FRMPD4: variants seen among roughly 807,000 people sequenced by gnomAD.
FRMPD4 encodes the protein FERM and PDZ domain-containing protein 4.
A neutral mutation model predicts 94.1 loss-of-function variants in FRMPD4; 22 were observed. That is an observed-to-expected ratio of 0.23 (90% CI 0.17 to 0.33). FRMPD4 has a LOEUF of 0.33. FRMPD4 is among the 10% of genes least tolerant of loss of function. The pLI is 1.00. For missense variants in FRMPD4, 1,111 were observed against 1,339.9 expected, an observed-to-expected ratio of 0.83 and a Z score of 2.67; for synonymous variants, 631 against 548.6, an observed-to-expected ratio of 1.15 and a Z score of -2.10.
intron 8 of FRMPD4, among the ~76,000 whole-genome samples, chrX:12,694,128 A>G (rs765917387): frequency 9.0e-6 from 1 of 111,280 alleles, no homozygotes; most frequent in East Asian, 2.8e-4. Context: ...CTTGCACACA[A>G]CCCCTCATCT....
At chrX:12,309,516 A>G (rs1307912454) in intron 1 of FRMPD4, among the ~76,000 whole-genome samples, 1 of 112,022 alleles carries the variant, frequency 8.9e-6, no homozygotes, top group East Asian at 2.8e-4. Context: ...AGCTGATTTG[A>G]TCATTTGGTC....
intron 3 of FRMPD4, among the ~76,000 whole-genome samples, chrX:12,049,754 G>T (rs2054806741): frequency 9.0e-6 from 1 of 111,639 alleles, no homozygotes; most frequent in East Asian, 2.8e-4. Context: ...CATGTATGTT[G>T]TTTCCCCTGA....
intron 3 of FRMPD4, among the ~76,000 whole-genome samples, chrX:11,990,217 C>T (rs754576740): frequency 9.8e-5 from 11 of 111,983 alleles, no homozygotes; most frequent in Middle Eastern, 9.2e-3. Flanking sequence ...CAAATGGTTA[C>T]GTTGTATGAT....
intron 1 of FRMPD4, among the ~76,000 whole-genome samples, chrX:12,408,790 G>GCAAGGA (rs1365007542): frequency 2.7e-5 from 3 of 112,054 alleles, no homozygotes; most frequent in Non-Finnish European, 5.6e-5. Flanking sequence ...AGATGTATCA[G>GCAAGGA]CAAGGACAAG....
intron 1 of FRMPD4, among the ~76,000 whole-genome samples, chrX:12,344,081 C>T (rs2055662481): frequency 8.9e-6 from 1 of 111,935 alleles, no homozygotes; most frequent in Non-Finnish European, 1.9e-5. Flanking sequence ...CTGTTAGTGC[C>T]TGTTTTGTTT....
intron 1 of FRMPD4, among the ~76,000 whole-genome samples, chrX:12,425,708 C>T (rs2056937830): frequency 1.8e-5 from 2 of 111,701 alleles, no homozygotes; most frequent in Admixed American, 9.4e-5. Context: ...GCGGCAACTC[C>T]CCGCAAGAAA....
intron 1 of FRMPD4, among the ~76,000 whole-genome samples, chrX:12,443,058 G>T (rs2057156705): frequency 9.0e-6 from 1 of 111,362 alleles, no homozygotes; most frequent in African/African-American, 3.3e-5. Context: ...GATTAGATTA[G>T]TAGTTTCCAG....
intron 1 of FRMPD4, among the ~76,000 whole-genome samples, chrX:12,278,223 CA>C (rs201288305): frequency 0.015 from 1,708 of 112,110 alleles, 43 homozygotes; most frequent in African/African-American, 0.052. Context: ...TTAATATCAA[CA>C]AAAAAGTCAG....
At chrX:11,986,609 G>A (rs6639117) in intron 3 of FRMPD4, among the ~76,000 whole-genome samples, 1 of 110,797 alleles carries the variant, frequency 9.0e-6, no homozygotes, top group Non-Finnish European at 1.9e-5. Flanking sequence ...TGAAGAAAAC[G>A]ATATAAAAGA....
intron 3 of FRMPD4, among the ~76,000 whole-genome samples, chrX:12,045,614 A>T (rs1282344173): frequency 9.0e-6 from 1 of 111,269 alleles, no homozygotes; most frequent in African/African-American, 3.3e-5. Flanking sequence ...GTTGAGATGG[A>T]TACATTACCC....
chrX:11,881,217 A>T (rs968403336), intron 3 of FRMPD4, among the ~76,000 whole-genome samples: 2 of 111,631 alleles, frequency 1.8e-5, no homozygotes, highest in Non-Finnish European at 3.8e-5. Flanking sequence ...GCAAAATAGT[A>T]CAGTCACTTT....
At chrX:12,229,090 G>A (rs764465812) in intron 1 of FRMPD4, among the ~76,000 whole-genome samples, 45 of 112,422 alleles carry the variant, frequency 4.0e-4, no homozygotes, top group Admixed American at 2.0e-3. Flanking sequence ...AACAAGAAGC[G>A]TGATAAGACC....
At chrX:12,039,647 T>C (rs1415496898) in intron 3 of FRMPD4, among the ~76,000 whole-genome samples, 1 of 110,875 alleles carries the variant, frequency 9.0e-6, no homozygotes, top group Non-Finnish European at 1.9e-5. Flanking sequence ...TGATCTATTC[T>C]GAGGAACATT....
chrX:12,358,326 TC>T (rs901502265), intron 1 of FRMPD4, among the ~76,000 whole-genome samples: 1 of 111,434 alleles, frequency 9.0e-6, no homozygotes, highest in Non-Finnish European at 1.9e-5. Flanking sequence ...TAGATATGTC[TC>T]CTATCTGGGG....
At chrX:12,678,195 A>G (rs1404284355) in intron 5 of FRMPD4, among the ~76,000 whole-genome samples, 3 of 112,661 alleles carry the variant, frequency 2.7e-5, no homozygotes, top group African/African-American at 9.7e-5. Context: ...ATTACACTGA[A>G]CCAAGATTTC....
chrX:12,204,743 C>T lies in FRMPD4; in HGVS notation c.41+65731C>T, dbSNP rs1189510504. 2.7e-5 allele frequency among the ~76,000 whole-genome samples: 3 copies of T among 110,974 alleles called. No homozygotes were observed. The Admixed American group carries it at 2.9e-4, about 11-fold the overall frequency. ...TGCCCCTTGCCAAATTGCTCTGTAT[C>T]TTGACATTTTAAACATTCTCCTCTT... On this transcript the variant is annotated intron_variant, in intron 1 of 16. Transcript: ENST00000675598.
At chrX:12,358,004 T>C (rs986809288) in intron 1 of FRMPD4, among the ~76,000 whole-genome samples, 15 of 112,079 alleles carry the variant, frequency 1.3e-4, no homozygotes, top group African/African-American at 4.2e-4. Flanking sequence ...TCTTTCGTGA[T>C]TGCCTTCTTT....
intron 2 of FRMPD4, among the ~76,000 whole-genome samples, chrX:12,523,293 C>G (rs1002954748): frequency 1.8e-5 from 2 of 111,683 alleles, no homozygotes; most frequent in Non-Finnish European, 3.8e-5. Flanking sequence ...TTAATAGGCT[C>G]TAAGTGAGAG....
intron 3 of FRMPD4, among the ~76,000 whole-genome samples, chrX:12,119,730 T>G (rs560729884): frequency 1.4e-4 from 16 of 112,673 alleles, no homozygotes; most frequent in African/African-American, 4.5e-4. Flanking sequence ...CTTGAAATAA[T>G]ATGCAGCAGA....
Sources: allele counts gnomAD v4.1 joint callset (sites outside exome capture counted in the v4.1 genomes callset), GRCh38; gene constraint gnomAD v4.1.1; transcripts MANE v1.5; gene names NCBI Gene and HGNC (gene_info 2026-07-23, HGNC 2026-07-21).